STXBP5L: variants seen among roughly 807,000 people sequenced by gnomAD.
STXBP5L encodes syntaxin binding protein 5L, also known as syntaxin-binding protein 5-like.
A neutral mutation model predicts 144.5 loss-of-function variants in STXBP5L; 65 were observed. The observed-to-expected ratio is 0.45, with a 90% CI of 0.37 to 0.55. The LOEUF (loss-of-function observed/expected upper bound fraction) is 0.55. Among genes scored for constraint, STXBP5L ranks in the 20% least tolerant of loss-of-function variants. The pLI is 0.00. For synonymous variants in STXBP5L, 505 were observed against 469.6 expected (o/e 1.08, Z -0.97); for missense variants, 1,298 against 1,405.5 (o/e 0.92, Z 1.22).
At chr3:120,936,508 A>G (rs1379924295) in intron 2 of STXBP5L, among the ~76,000 whole-genome samples, 1 of 152,146 alleles carries the variant, frequency 6.6e-6, no homozygotes, top group Non-Finnish European at 1.5e-5. Context: ...CTGTAGCTGT[A>G]GCTGTAATGT....
At chr3:121,014,770 A>T (rs1033591380) in intron 3 of STXBP5L, among the ~76,000 whole-genome samples, 3 of 152,034 alleles carry the variant, frequency 2.0e-5, no homozygotes, top group African/African-American at 4.8e-5. Context: ...CTACATATTG[A>T]TTATGTAAAA....
intron 20 of STXBP5L, among the ~76,000 whole-genome samples, chr3:121,375,359 T>C (rs1325971756): frequency 2.0e-5 from 3 of 152,176 alleles, no homozygotes; most frequent in Non-Finnish European, 4.4e-5. Flanking sequence ...ATGTGCCTCT[T>C]AAACCCTACT....
intron 17 of STXBP5L, among the ~76,000 whole-genome samples, chr3:121,257,908 GTAA>G: frequency 6.6e-6 from 1 of 152,082 alleles, no homozygotes; most frequent in Non-Finnish European, 1.5e-5. Context: ...CTGGGTGACA[GTAA>G]GACCCTGTCT....
At chr3:121,005,937 T>C (rs1224768350) in intron 3 of STXBP5L, among the ~76,000 whole-genome samples, 3 of 152,204 alleles carry the variant, frequency 2.0e-5, no homozygotes, top group Admixed American at 2.0e-4. Context: ...TGATTTCTGT[T>C]CTTTTACATT....
At chr3:120,969,380 C>T (rs190181917) in intron 3 of STXBP5L, among the ~76,000 whole-genome samples, 283 of 137,620 alleles carry the variant, frequency 2.1e-3, no homozygotes, top group Non-Finnish European at 3.3e-3. Context: ...GCTCATTTTT[C>T]GATGGGATTA....
intron 3 of STXBP5L, among the ~76,000 whole-genome samples, chr3:121,029,292 T>C (rs1185384496): frequency 6.6e-6 from 1 of 151,982 alleles, no homozygotes; most frequent in Non-Finnish European, 1.5e-5. Context: ...CTACAAGGCT[T>C]ACAGTAACCA....
chr3:121,048,010 C>G (rs984566262), intron 5 of STXBP5L, among the ~76,000 whole-genome samples: 34 of 152,088 alleles, frequency 2.2e-4, no homozygotes, highest in African/African-American at 7.7e-4. Flanking sequence ...ATATTTAGCA[C>G]TCCTTTCAGG....
At chr3:120,928,221 T>A (rs1559880046) in intron 2 of STXBP5L, among the ~76,000 whole-genome samples, 1 of 150,864 alleles carries the variant, frequency 6.6e-6, no homozygotes. Context: ...TTCCAGTGAA[T>A]TTCCCATCCT....
rs970580408 is a variant in STXBP5L at position 121,421,208 on chromosome 3, A to T, written c.*2111A>T. On this transcript the variant is annotated 3_prime_UTR_variant, in exon 27 of 27. Transcript: ENST00000471454. ...AAATACTTTATCGTTTCTGTATTTT[A>T]AAAAAAACTAAAAGAGTAAAATATT... The T allele has an allele frequency of 2.6e-5, 4 of 152,038 alleles. No homozygotes were observed. Among genetic ancestry groups the T allele is most frequent in the Non-Finnish European group, 5.9e-5 (4 of 67,970 alleles). 9.4% of individuals were successfully genotyped at this position (152,038 alleles called of 1,614,324 possible).
At chr3:120,946,209 T>C (rs1023854721) in intron 2 of STXBP5L, among the ~76,000 whole-genome samples, 2 of 151,714 alleles carry the variant, frequency 1.3e-5, no homozygotes, top group African/African-American at 2.4e-5. Flanking sequence ...TTAAACAATA[T>C]AGAAATTTAT....
chr3:121,417,175 A>G (rs1560072276), intron 25 of STXBP5L, among the ~76,000 whole-genome samples: 1 of 152,200 alleles, frequency 6.6e-6, no homozygotes, highest in Non-Finnish European at 1.5e-5. Flanking sequence ...CACAGAAGGA[A>G]CAGGGAGAGA....
chr3:121,340,513 G>T (rs1332418582), intron 20 of STXBP5L, among the ~76,000 whole-genome samples: 1 of 145,744 alleles, frequency 6.9e-6, no homozygotes, highest in African/African-American at 2.6e-5. Flanking sequence ...CCCGGTGTGT[G>T]ATATTCCCCG....
At chr3:121,228,431 G>T (rs2049191352) in intron 11 of STXBP5L, among the ~76,000 whole-genome samples, 2 of 152,176 alleles carry the variant, frequency 1.3e-5, no homozygotes, top group African/African-American at 2.4e-5. Flanking sequence ...TGCTTTTCTG[G>T]ACCTTCAGGA....
chr3:121,110,117 G>T (rs1340104328), intron 5 of STXBP5L, among the ~76,000 whole-genome samples: 1 of 152,034 alleles, frequency 6.6e-6, no homozygotes. Flanking sequence ...ATGTGAGAAG[G>T]GTCGCTTGAA....
At position 121,091,048 on chromosome 3, in the gene STXBP5L, G is replaced by A. The variant is rs967904397; in HGVS notation, c.471-23877G>A. On this transcript the variant is annotated intron_variant, in intron 5 of 26. Coordinates refer to ENST00000471454, the MANE Select transcript of STXBP5L (RefSeq NM_001308330.2). ...GCGGTGTGTGGTTTTTTGTTCTTGT[G>A]ATAGTTTACTGAGAATGATGCTTTC... is the stretch of plus-strand genomic sequence containing the variant. Among the ~76,000 whole-genome samples, 10 of 150,264 alleles carry A rather than the reference G, an allele frequency of 6.7e-5. No individual in the cohort carries two copies. In the Admixed American group the frequency reaches 6.7e-4, roughly 10 times the overall value.
chr3:121,350,864 T>C (rs1185381657), intron 20 of STXBP5L, among the ~76,000 whole-genome samples: 31 of 152,130 alleles, frequency 2.0e-4, no homozygotes. Context: ...ATTCATCTAA[T>C]CTTTTTTCAA....
chr3:121,075,402 G>T (rs1451069532), intron 5 of STXBP5L, among the ~76,000 whole-genome samples: 2 of 152,268 alleles, frequency 1.3e-5, no homozygotes, highest in East Asian at 3.9e-4. Flanking sequence ...TAAGGCTGCT[G>T]CCAGCAAGTC....
chr3:121,044,940 A>C lies in STXBP5L; in HGVS notation c.370-495A>C, dbSNP rs191981629. 7.8e-4 allele frequency among the ~76,000 whole-genome samples: 119 copies of C among 152,276 alleles called. 1 individual carries two copies. Among genetic ancestry groups the C allele is most frequent in the African/African-American group, 2.7e-3 (113 of 41,586 alleles). Reference sequence around the variant, plus strand: ...TGAAGCTTCTTGGACTATAAGAAGCAAATTAAATTATACCAAATATACTTT... The same window carrying C: ...TGAAGCTTCTTGGACTATAAGAAGCCAATTAAATTATACCAAATATACTTT... On this transcript the variant is annotated intron_variant, in intron 4 of 26. Coordinates refer to ENST00000471454, the MANE Select transcript of STXBP5L (RefSeq NM_001308330.2).
intron 3 of STXBP5L, among the ~76,000 whole-genome samples, chr3:120,964,989 C>T (rs1448472863): frequency 2.6e-5 from 4 of 152,174 alleles, no homozygotes; most frequent in Non-Finnish European, 5.9e-5. Context: ...CAGTAGTTAG[C>T]TCTTCTTGTT....
Sources: allele counts gnomAD v4.1 joint callset (sites outside exome capture counted in the v4.1 genomes callset), GRCh38; gene constraint gnomAD v4.1.1; transcripts MANE v1.5; gene names NCBI Gene and HGNC (gene_info 2026-07-23, HGNC 2026-07-21).